The following PDXDC1 variants were observed in gnomAD, a reference collection of about 807,000 sequenced individuals.
The protein encoded by PDXDC1 is pyridoxal-dependent decarboxylase domain-containing protein 1.
Under a neutral mutation model 100.1 loss-of-function variants are expected in PDXDC1, and 42 were observed. The ratio of observed to expected loss-of-function variants is 0.42; its 90% CI spans 0.33 to 0.54. The LOEUF (loss-of-function observed/expected upper bound fraction) is 0.54. Ranked by LOEUF, PDXDC1 falls within the 20% of genes least tolerant of loss-of-function variation. PDXDC1 has a pLI of 0.10. For missense variants in PDXDC1, 636 were observed against 979.2 expected (o/e 0.65, Z 4.68); for synonymous variants, 260 against 371.7 (o/e 0.70, Z 3.46).
chr16:15,086,367 A>G, intron 16 of PDXDC1: 1 of 1,613,774 alleles, frequency 6.2e-7, no homozygotes, highest in Non-Finnish European at 8.5e-7. Context: ...GAACTTACTA[A>G]TATAATACTG....
chr16:15,013,208 G>C (rs1264228507), intron 8 of PDXDC1, among the ~76,000 whole-genome samples: 1 of 152,230 alleles, frequency 6.6e-6, no homozygotes, highest in African/African-American at 2.4e-5. Flanking sequence ...AACTTGCCAG[G>C]TGTGGTGGTG....
chr16:15,040,112 C>A, downstream of PDXDC1: 1 of 1,083,606 alleles, frequency 9.2e-7, no homozygotes, highest in Admixed American at 1.8e-5. Flanking sequence ...AAGACCAAAG[C>A]GGAAAGTCTG....
chr16:15,132,634 C>T (rs922575317), intron 16 of PDXDC1: 25 of 772,070 alleles, frequency 3.2e-5, no homozygotes, highest in African/African-American at 2.1e-4. Flanking sequence ...CTCAGCTCCT[C>T]GGCCAAGCTG....
At chr16:15,139,760 G>A (rs1276854287), downstream of PDXDC1, among the ~76,000 whole-genome samples, 16 of 151,730 alleles carry the variant, frequency 1.1e-4, no homozygotes, top group Admixed American at 2.6e-4. Flanking sequence ...CAGCCTGGGC[G>A]ACAGAGCAAG....
chr16:15,136,890 G>C, intron 16 of PDXDC1: 1 of 1,597,492 alleles, frequency 6.3e-7, no homozygotes. Context: ...TCCTCGCCCA[G>C]GGCCACGATG....
intron 1 of PDXDC1, among the ~76,000 whole-genome samples, chr16:14,985,976 C>G (rs777442839): frequency 1.4e-4 from 22 of 152,258 alleles, no homozygotes; most frequent in Non-Finnish European, 2.5e-4. Flanking sequence ...TGGCATGTGC[C>G]TGTAGCCATG....
intron 16 of PDXDC1, among the ~76,000 whole-genome samples, chr16:15,087,835 C>T (rs2045968153): frequency 1.3e-5 from 2 of 152,170 alleles, no homozygotes; most frequent in Non-Finnish European, 2.9e-5. Context: ...GTAAATCAGG[C>T]TGGGCGTGGT....
downstream of PDXDC1, among the ~76,000 whole-genome samples, chr16:15,042,184 TC>T (rs1165540969): frequency 7.0e-6 from 1 of 143,032 alleles, no homozygotes; most frequent in Non-Finnish European, 1.5e-5. Flanking sequence ...CAATTTTATA[TC>T]TTTTTTTTTT....
intron 1 of PDXDC1, among the ~76,000 whole-genome samples, chr16:14,987,041 C>T (rs557413615): frequency 6.7e-4 from 102 of 152,356 alleles, no homozygotes; most frequent in African/African-American, 2.3e-3. Context: ...AGCCACCATG[C>T]GTGGCCATGC....
At chr16:14,990,638 G>A (rs1275377961) in intron 1 of PDXDC1, among the ~76,000 whole-genome samples, 1 of 152,282 alleles carries the variant, frequency 6.6e-6, no homozygotes, top group Non-Finnish European at 1.5e-5. Flanking sequence ...TGGCATTGGA[G>A]TCATTGTTCA....
intron 8 of PDXDC1, 102 bp downstream of exon 8, chr16:15,009,861 A>T: frequency 6.3e-7 from 1 of 1,586,244 alleles, no homozygotes; most frequent in East Asian, 2.3e-5. Context: ...TGTGTACCAC[A>T]TGTTTAAGAT....
At chr16:15,041,969 TTA>T (rs2043836394), downstream of PDXDC1, among the ~76,000 whole-genome samples, 1 of 152,188 alleles carries the variant, frequency 6.6e-6, no homozygotes, top group Non-Finnish European at 1.5e-5. Flanking sequence ...ACCCATGGAT[TTA>T]TAAGATTTTT....
intron 16 of PDXDC1, among the ~76,000 whole-genome samples, 177 bp downstream of exon 16, chr16:15,030,233 CAGAATG>C (rs1450786385): frequency 2.0e-5 from 3 of 152,238 alleles, no homozygotes; most frequent in Non-Finnish European, 2.9e-5. Context: ...TTACCAGAAT[CAGAATG>C]AGAATTCAGA....
In PDXDC1 at chr16:15,011,456, CAAAG is replaced by C. The variant is rs1281891038; in HGVS notation, c.727+1701_727+1704del. On this transcript the variant is annotated intron_variant, in intron 8 of 22. Transcript: ENST00000396410. ...ATAGATCTAAGACAATAAAATGTCT[CAAAG>C]AAAATACAGGAGATCTTTGTGACCT... Among the ~76,000 whole-genome samples, 11 of 152,372 alleles carry C rather than the reference CAAAG, an allele frequency of 7.2e-5. No individual in the cohort carries two copies. The South Asian group carries it at 8.3e-4, about 11-fold the overall frequency.
downstream of PDXDC1, chr16:15,040,542 T>C (rs1055728407): frequency 4.0e-5 from 7 of 173,518 alleles, no homozygotes; most frequent in South Asian, 1.0e-3. Flanking sequence ...CCCTCGGAAA[T>C]AGAGCCGATT....
downstream of PDXDC1, among the ~76,000 whole-genome samples, chr16:15,043,032 C>G (rs1008168305): frequency 6.6e-6 from 1 of 152,062 alleles, no homozygotes; most frequent in African/African-American, 2.4e-5. Context: ...TCCCAAGTAG[C>G]TGGGATTACA....
intron 18 of PDXDC1, 130 bp from the exon 19 acceptor site, chr16:15,033,148 T>C: frequency 1.8e-6 from 2 of 1,134,106 alleles, no homozygotes; most frequent in South Asian, 1.4e-5. Context: ...CAGGCCTTTC[T>C]CTCCGCCCTT....
chr16:14,981,583 G>A (rs1967998071), intron 1 of PDXDC1, among the ~76,000 whole-genome samples: 1 of 152,280 alleles, frequency 6.6e-6, no homozygotes, highest in Non-Finnish European at 1.5e-5. Context: ...TTTTCCATCA[G>A]TGTCATTATC....
intron 1 of PDXDC1, among the ~76,000 whole-genome samples, chr16:14,994,850 G>A (rs79099082): frequency 7.8e-5 from 11 of 141,530 alleles, no homozygotes; most frequent in South Asian, 6.7e-4. Context: ...TGAAGAGGTC[G>A]TTCACATCCC....
Sources: allele counts gnomAD v4.1 joint callset (sites outside exome capture counted in the v4.1 genomes callset), GRCh38; gene constraint gnomAD v4.1.1; transcripts MANE v1.5; gene names NCBI Gene and HGNC (gene_info 2026-07-23, HGNC 2026-07-21).